The following PACRG variants were observed in gnomAD, a reference collection of about 807,000 sequenced individuals.
The protein encoded by PACRG is parkin coregulated gene protein.
A neutral mutation model predicts 29.7 loss-of-function variants in PACRG; 29 were observed. The ratio of observed to expected loss-of-function variants is 0.98; its 90% CI spans 0.73 to 1.33. The LOEUF (loss-of-function observed/expected upper bound fraction) is 1.33, where lower values mean the gene tolerates loss of function less well. PACRG is among the 40% of genes most tolerant of loss of function. PACRG has a pLI of 0.00. For synonymous variants in PACRG, 116 were observed against 118.7 expected (o/e 0.98, Z 0.15); for missense variants, 279 against 316.2 (o/e 0.88, Z 0.89).
chr6:162,745,165 T>C (rs1410408760), intron 1 of PACRG, among the ~76,000 whole-genome samples: 1 of 152,166 alleles, frequency 6.6e-6, no homozygotes, highest in Non-Finnish European at 1.5e-5. Context: ...AAGAATTGAC[T>C]TAAAAATCCA....
chr6:163,213,946 G>A (rs1205067577), intron 4 of PACRG, among the ~76,000 whole-genome samples: 1 of 152,100 alleles, frequency 6.6e-6, no homozygotes, highest in African/African-American at 2.4e-5. Flanking sequence ...ATAAAAAGTA[G>A]CCTCTCTTTT....
chr6:162,890,432 A>C (rs1001684805), intron 2 of PACRG, among the ~76,000 whole-genome samples: 2 of 152,136 alleles, frequency 1.3e-5, no homozygotes, highest in African/African-American at 4.8e-5. Flanking sequence ...TTAAAAAAAG[A>C]AAGTTTGTTC....
chr6:163,281,660 G>C (rs1004118086), intron 4 of PACRG, among the ~76,000 whole-genome samples: 1 of 151,846 alleles, frequency 6.6e-6, no homozygotes, highest in East Asian at 1.9e-4. Context: ...TCATTATGAA[G>C]ACAAAATTTA....
intron 4 of PACRG, chr6:163,312,731 G>A (rs1025770119): frequency 2.4e-6 from 1 of 409,264 alleles, no homozygotes; most frequent in African/African-American, 2.2e-5. Flanking sequence ...CTTATCTCTT[G>A]TTTATCTGAT....
intron 4 of PACRG, among the ~76,000 whole-genome samples, chr6:163,291,668 T>A (rs1784615841): frequency 6.6e-6 from 1 of 152,364 alleles, no homozygotes; most frequent in South Asian, 2.1e-4. Flanking sequence ...GTGGTATTTG[T>A]CAAGGGCCTC....
intron 4 of PACRG, among the ~76,000 whole-genome samples, chr6:163,228,549 A>C (rs1781901133): frequency 6.6e-6 from 1 of 152,212 alleles, no homozygotes; most frequent in Non-Finnish European, 1.5e-5. Context: ...CACGGCCATT[A>C]GAGTATGATT....
rs567107622 is a variant in PACRG at position 163,110,631 on chromosome 6, C to T, written c.613+21223C>T. On this transcript the variant is annotated intron_variant, in intron 4 of 4. Coordinates refer to ENST00000366888, the MANE Select transcript of PACRG (RefSeq NM_001080379.2). ...TTCACCACAGAGCCCCTTGTAGAGC[C>T]AAAATACCATGGTGAGGGAGGGTGG... 1.7e-3 allele frequency among the ~76,000 whole-genome samples: 256 copies of T among 152,272 alleles called. 1 individual carries two copies. The highest frequency in any genetic ancestry group is 6.0e-3 in the African/African-American group (250 of 41,544).
At chr6:163,173,993 G>A (rs1472938197) in intron 4 of PACRG, among the ~76,000 whole-genome samples, 2 of 152,158 alleles carry the variant, frequency 1.3e-5, no homozygotes, top group African/African-American at 4.8e-5. Flanking sequence ...TAATCAAGTC[G>A]TCCTTTGACT....
upstream of PACRG, chr6:162,727,417 G>A: frequency 2.1e-6 from 1 of 478,788 alleles, no homozygotes; most frequent in Non-Finnish European, 3.7e-6. Flanking sequence ...CCCCGTCGAG[G>A]CGGTCTTCAT....
chr6:162,784,462 C>G (rs1784311068), intron 1 of PACRG, among the ~76,000 whole-genome samples: 2 of 152,188 alleles, frequency 1.3e-5, no homozygotes, highest in African/African-American at 4.8e-5. Flanking sequence ...GAAAGAACAT[C>G]AGTGTGGGAC....
At chr6:163,240,640 T>C (rs931072267) in intron 4 of PACRG, among the ~76,000 whole-genome samples, 1 of 152,166 alleles carries the variant, frequency 6.6e-6, no homozygotes, top group African/African-American at 2.4e-5. Flanking sequence ...CTCACGCTCC[T>C]AAACACCTCC....
At chr6:162,891,457 T>C (rs1175055957) in intron 2 of PACRG, among the ~76,000 whole-genome samples, 1 of 152,114 alleles carries the variant, frequency 6.6e-6, no homozygotes, top group African/African-American at 2.4e-5. Context: ...CCTGGTTCAG[T>C]GATGATTTGG....
chr6:163,199,689 G>A (rs867788345), intron 4 of PACRG, among the ~76,000 whole-genome samples: 5 of 152,292 alleles, frequency 3.3e-5, no homozygotes, highest in Non-Finnish European at 7.4e-5. Context: ...TGGCCAGACT[G>A]AAACTCCACT....
intron 2 of PACRG, among the ~76,000 whole-genome samples, chr6:162,914,508 G>GTTTTT (rs3028611): frequency 6.3e-5 from 6 of 95,094 alleles, no homozygotes; most frequent in African/African-American, 1.5e-4. Context: ...GTACTTTTTT[G>GTTTTT]TTTTTTTTTT....
At chr6:163,129,363 G>C (rs114825497) in intron 4 of PACRG, among the ~76,000 whole-genome samples, 1,543 of 152,306 alleles carry the variant, frequency 0.01, 30 homozygotes, top group African/African-American at 0.036. Flanking sequence ...TCATCCATGA[G>C]ATGGCATGTA....
At chr6:163,104,664 T>A (rs535951501) in intron 4 of PACRG, among the ~76,000 whole-genome samples, 2 of 152,354 alleles carry the variant, frequency 1.3e-5, no homozygotes, top group East Asian at 3.9e-4. Context: ...GCTTACACCT[T>A]ACTCTTTTAG....
intron 4 of PACRG, among the ~76,000 whole-genome samples, chr6:163,095,024 G>A (rs1394976973): frequency 6.6e-6 from 1 of 152,128 alleles, no homozygotes; most frequent in Non-Finnish European, 1.5e-5. Context: ...GATGGGGAGG[G>A]AGGACTCATT....
At chr6:163,192,944 A>G (rs2128362301) in intron 4 of PACRG, among the ~76,000 whole-genome samples, 1 of 152,278 alleles carries the variant, frequency 6.6e-6, no homozygotes, top group South Asian at 2.1e-4. Flanking sequence ...CAAATGCCCG[A>G]TACTTCTTAC....
chr6:162,844,828 T>C (rs1027225878), intron 2 of PACRG, among the ~76,000 whole-genome samples: 1 of 152,232 alleles, frequency 6.6e-6, no homozygotes, highest in Admixed American at 6.5e-5. Flanking sequence ...AGTATTATAG[T>C]TATTTATATA....
Sources: gnomAD v4.1 joint callset for allele counts (sites outside exome capture counted in the v4.1 genomes callset) on GRCh38, gnomAD v4.1.1 for gene constraint, MANE v1.5 for transcripts, NCBI Gene and HGNC (gene_info 2026-07-23, HGNC 2026-07-21) for gene names.